Variants in MGST1 observed in about 807,000 individuals in gnomAD.
MGST1 encodes glutathione S-transferase 12.
MGST1 carries 5 observed loss-of-function variants against 8.9 expected under a neutral mutation model. The ratio of observed to expected loss-of-function variants is 0.56; its 90% CI spans 0.29 to 1.19. MGST1 has a LOEUF of 1.19. MGST1 is among the 50% of genes most tolerant of loss of function. The pLI, the probability that MGST1 is intolerant of heterozygous loss-of-function variation, is 0.08. For missense variants in MGST1, 182 were observed against 187.4 expected (o/e 0.97, Z 0.17); for synonymous variants, 54 against 67.8 (o/e 0.80, Z 1.00).
At chr12:16,378,073 A>G (rs1388807197), downstream of MGST1, among the ~76,000 whole-genome samples, 2 of 151,872 alleles carry the variant, frequency 1.3e-5, no homozygotes, top group African/African-American at 4.8e-5. Context: ...TAGGTTGCAA[A>G]AATTTTCTGC....
intron 4 of MGST1, among the ~76,000 whole-genome samples, chr12:16,466,295 G>C (rs1281219827): frequency 1.3e-5 from 2 of 152,164 alleles, no homozygotes; most frequent in Admixed American, 6.6e-5. Flanking sequence ...TTTGTGAAAG[G>C]TTCAGGAGCT....
chr12:16,354,964 G>A (rs910617299), intron 2 of MGST1, among the ~76,000 whole-genome samples: 1 of 151,712 alleles, frequency 6.6e-6, no homozygotes, highest in Non-Finnish European at 1.5e-5. Context: ...GGGGAGGGTG[G>A]TAGACAGATT....
chr12:16,357,149 CTCT>C (rs1939752558), intron 2 of MGST1, among the ~76,000 whole-genome samples: 1 of 152,126 alleles, frequency 6.6e-6, no homozygotes, highest in South Asian at 2.1e-4. Context: ...CCTTCTTCTC[CTCT>C]TGTGTTTGAT....
rs981106079 is a variant in MGST1 at position 16,361,998 on chromosome 12, G to A, written c.222-1797G>A. 6.6e-6 allele frequency among the ~76,000 whole-genome samples: 1 copy of A among 152,086 alleles called. No individual in the cohort carries two copies. The highest frequency in any genetic ancestry group is 2.4e-5 in the African/African-American group (1 of 41,396). On this transcript the variant is annotated intron_variant, in intron 3 of 3. Transcript: ENST00000396210. The surrounding 1 kb of genome is among the most constrained non-coding windows in gnomAD (Gnocchi z 4.2). ...TATTTGTCAACTGCGTAACACAGGCGTAGAAGTGGACATTGTTTTCCAGAG... is the reference window on the plus strand; with the variant it reads ...TATTTGTCAACTGCGTAACACAGGCATAGAAGTGGACATTGTTTTCCAGAG...
chr12:16,460,489 G>C (rs781171865), intron 4 of MGST1, among the ~76,000 whole-genome samples: 7 of 151,844 alleles, frequency 4.6e-5, no homozygotes, highest in Non-Finnish European at 8.8e-5. Context: ...TAAAGATTTT[G>C]GTTCCCCTTC....
chr12:16,366,390 A>G (rs539104692), downstream of MGST1, among the ~76,000 whole-genome samples: 3 of 152,248 alleles, frequency 2.0e-5, no homozygotes, highest in African/African-American at 7.2e-5. This position sits in a 1 kb window ranked among gnomAD's most constrained non-coding sequence, Gnocchi z 4.0. Context: ...AAAGCTATTT[A>G]CTGGTCTAGT....
At chr12:16,492,691 C>T (rs772800963) in intron 4 of MGST1, among the ~76,000 whole-genome samples, 4 of 152,144 alleles carry the variant, frequency 2.6e-5, no homozygotes, top group Middle Eastern at 3.2e-3. Flanking sequence ...GCTAGACTAT[C>T]ACTAAAGATT....
chr12:16,377,781 A>G (rs1201374916), downstream of MGST1, among the ~76,000 whole-genome samples: 1 of 151,712 alleles, frequency 6.6e-6, no homozygotes, highest in East Asian at 1.9e-4. Context: ...AAGTGTTCCT[A>G]TTTCTCCACA....
At chr12:16,432,426 G>A (rs1348021338) in intron 1 of MGST1, among the ~76,000 whole-genome samples, 1 of 151,954 alleles carries the variant, frequency 6.6e-6, no homozygotes, top group Non-Finnish European at 1.5e-5. Flanking sequence ...CTTATGGTCA[G>A]TGGGTGAAAA....
In MGST1 at chr12:16,537,823, A is replaced by G. The variant is rs930636577; in HGVS notation, n.483-51705A>G. 2.0e-5 allele frequency among the ~76,000 whole-genome samples: 3 copies of G among 152,182 alleles called. No individual in the cohort carries two copies. The highest frequency in any genetic ancestry group is 4.4e-5 in the Non-Finnish European group (3 of 68,022). On this transcript the variant is annotated intron_variant and non_coding_transcript_variant, in intron 4 of 4. Coordinates refer to the MGST1 transcript ENST00000538857. The surrounding 1 kb of genome is among the most constrained non-coding windows in gnomAD (Gnocchi z 4.6). Reference sequence around the variant, plus strand: ...TGGGGATCCTGGGCCCAGCCCAGGAAACCATTTTTTCCTCCTAGCCTTCCC... The same window carrying G: ...TGGGGATCCTGGGCCCAGCCCAGGAGACCATTTTTTCCTCCTAGCCTTCCC...
At chr12:16,531,582 C>T (rs1941724181) in intron 4 of MGST1, among the ~76,000 whole-genome samples, 1 of 152,114 alleles carries the variant, frequency 6.6e-6, no homozygotes, top group Admixed American at 6.6e-5. Flanking sequence ...TGTGCCACTG[C>T]ACTCCAGCCT....
chr12:16,420,396 A>C (rs1295740353), intron 1 of MGST1, among the ~76,000 whole-genome samples: 1 of 152,236 alleles, frequency 6.6e-6, no homozygotes, highest in East Asian at 1.9e-4. Context: ...TCTCATAATG[A>C]ACTTTTCTAG....
intron 1 of MGST1, among the ~76,000 whole-genome samples, chr12:16,426,156 A>G (rs1294019798): frequency 6.6e-6 from 1 of 152,172 alleles, no homozygotes; most frequent in Non-Finnish European, 1.5e-5. Context: ...ACTATAATAA[A>G]TTTTGAGGCT....
At chr12:16,422,003 G>A (rs530988465) in intron 1 of MGST1, among the ~76,000 whole-genome samples, 1 of 152,072 alleles carries the variant, frequency 6.6e-6, no homozygotes, top group Non-Finnish European at 1.5e-5. Context: ...CAGCAGTGTC[G>A]CTGGTTAGAT....
intron 1 of MGST1, among the ~76,000 whole-genome samples, chr12:16,383,814 CATAAT>C (rs1416479654): frequency 6.6e-6 from 1 of 152,168 alleles, no homozygotes; most frequent in African/African-American, 2.4e-5. Context: ...GGGACAATAT[CATAAT>C]ATAACATACT....
At chr12:16,431,311 T>C (rs551249161) in intron 1 of MGST1, among the ~76,000 whole-genome samples, 1 of 152,322 alleles carries the variant, frequency 6.6e-6, no homozygotes, top group Admixed American at 6.5e-5. Flanking sequence ...GTAGCACTTT[T>C]AATTTCCTTC....
chr12:16,368,097 A>G (rs1313764448), downstream of MGST1, among the ~76,000 whole-genome samples: 2 of 152,182 alleles, frequency 1.3e-5, no homozygotes, highest in Non-Finnish European at 2.9e-5. Flanking sequence ...CCTAGTTATT[A>G]GGGAGACCTC....
intron 1 of MGST1, among the ~76,000 whole-genome samples, chr12:16,395,779 TCA>T (rs1940598347): frequency 5.5e-5 from 4 of 72,150 alleles, no homozygotes; most frequent in South Asian, 9.1e-4. Flanking sequence ...TAGTATTCCA[TCA>T]TATATATATA....
intron 4 of MGST1, among the ~76,000 whole-genome samples, chr12:16,538,639 C>T (rs577889104): frequency 1.5e-3 from 211 of 142,670 alleles, no homozygotes; most frequent in Non-Finnish European, 2.5e-3. Context: ...GACAGAGTCT[C>T]GCTCTGTCAC....
Sources: allele counts gnomAD v4.1 joint callset (sites outside exome capture counted in the v4.1 genomes callset), GRCh38; gene constraint gnomAD v4.1.1; non-coding constraint Gnocchi (gnomAD v3.1); transcripts MANE v1.5; gene names NCBI Gene and HGNC (gene_info 2026-07-23, HGNC 2026-07-21).